ABCC4: variants seen among roughly 807,000 people sequenced by gnomAD.
ABCC4 encodes ATP-binding cassette sub-family C member 4.
ABCC4 carries 102 observed loss-of-function variants against 168.5 expected under a neutral mutation model. That is an observed-to-expected ratio of 0.61 (90% CI 0.52 to 0.71). The LOEUF is 0.71. ABCC4 is among the 30% of genes least tolerant of loss of function. ABCC4 has a pLI of 0.00. For synonymous variants in ABCC4, 617 were observed against 590.7 expected, an observed-to-expected ratio of 1.04 and a Z score of -0.65; for missense variants, 1,402 against 1,605.8, an observed-to-expected ratio of 0.87 and a Z score of 2.17.
At chr13:95,041,957 A>G (rs964034902) in intron 29 of ABCC4, among the ~76,000 whole-genome samples, 1 of 152,208 alleles carries the variant, frequency 6.6e-6, no homozygotes, top group Non-Finnish European at 1.5e-5. Flanking sequence ...GCTTGTAATA[A>G]GACTCCTTAC....
At chr13:95,062,978 G>T (rs544777810) in intron 25 of ABCC4, 119 bp from the exon 26 acceptor site, 3 of 1,195,786 alleles carry the variant, frequency 2.5e-6, no homozygotes, top group South Asian at 3.2e-5. Flanking sequence ...TATATTGAGT[G>T]TAGTCTAAGA....
At chr13:95,230,284 A>T (rs1411199533) in intron 4 of ABCC4, among the ~76,000 whole-genome samples, 1 of 152,202 alleles carries the variant, frequency 6.6e-6, no homozygotes, top group Non-Finnish European at 1.5e-5. Context: ...CATCAATCCA[A>T]ATTAAAGCTA....
chr13:95,060,968 T>C (rs2033267391), intron 26 of ABCC4, among the ~76,000 whole-genome samples: 1 of 152,208 alleles, frequency 6.6e-6, no homozygotes, highest in South Asian at 2.1e-4. Flanking sequence ...TTGACTAGTC[T>C]AGGTATCTCA....
chr13:95,253,161 T>C (rs2040309733), intron 1 of ABCC4, among the ~76,000 whole-genome samples: 1 of 152,172 alleles, frequency 6.6e-6, no homozygotes, highest in Admixed American at 6.5e-5. Flanking sequence ...CGGCCAACCA[T>C]GACTGCCCCG....
intron 19 of ABCC4, among the ~76,000 whole-genome samples, chr13:95,132,507 G>A (rs952564741): frequency 8.5e-5 from 13 of 152,204 alleles, no homozygotes; most frequent in South Asian, 2.1e-4. Flanking sequence ...GTAAGCCACC[G>A]CGCCTGGCCC....
intron 1 of ABCC4, among the ~76,000 whole-genome samples, chr13:95,293,624 G>A (rs1333463411): frequency 2.0e-5 from 3 of 151,332 alleles, no homozygotes; most frequent in South Asian, 4.2e-4. Context: ...ATGCCACCAC[G>A]CCCAGCTAAT....
chr13:95,058,593 G>A (rs72642352), intron 26 of ABCC4, among the ~76,000 whole-genome samples: 19,232 of 79,868 alleles, frequency 0.24, 3,435 homozygotes, highest in Non-Finnish European at 0.29. Flanking sequence ...AAAAAAAAAA[G>A]AAAAGAAAAA....
chr13:95,055,409 T>TA (rs1470557784), intron 26 of ABCC4, among the ~76,000 whole-genome samples: 1 of 152,246 alleles, frequency 6.6e-6, no homozygotes, highest in African/African-American at 2.4e-5. Flanking sequence ...TGTCATTTAG[T>TA]ACGAGTTTTA....
intron 13 of ABCC4, among the ~76,000 whole-genome samples, chr13:95,176,919 T>C (rs1056622825): frequency 7.2e-5 from 11 of 152,226 alleles, no homozygotes; most frequent in Non-Finnish European, 1.3e-4. Context: ...CATGAGTTTA[T>C]AGAATATACA....
chr13:95,252,155 T>C (rs750784790), intron 1 of ABCC4, among the ~76,000 whole-genome samples: 38 of 152,178 alleles, frequency 2.5e-4, no homozygotes, highest in Middle Eastern at 3.4e-3. Context: ...CATTTGGATA[T>C]GCCAAGGAGA....
chr13:95,023,909 T>A (rs967975613), intron 30 of ABCC4, among the ~76,000 whole-genome samples: 1 of 152,108 alleles, frequency 6.6e-6, no homozygotes, highest in Non-Finnish European at 1.5e-5. Context: ...AACTGGTGGC[T>A]TTGAAAACTT....
At chr13:95,034,534 C>T in intron 30 of ABCC4, 71 bp downstream of exon 30, 1 of 1,550,516 alleles carries the variant, frequency 6.4e-7, no homozygotes, top group Non-Finnish European at 8.7e-7. Context: ...GTTACCATAC[C>T]CATGGTGCCA....
chr13:95,295,881 C>T (rs2138965769), intron 1 of ABCC4, among the ~76,000 whole-genome samples: 1 of 150,708 alleles, frequency 6.6e-6, no homozygotes, highest in South Asian at 2.1e-4. Context: ...GCAGGAGAAT[C>T]ACTTGAACCC....
intron 4 of ABCC4, among the ~76,000 whole-genome samples, chr13:95,218,860 A>AAAAG (rs1566539096): frequency 0.017 from 2,562 of 146,936 alleles, 114 homozygotes; most frequent in African/African-American, 0.063. Context: ...GAAAAGAAAA[A>AAAAG]AAAAGAAAAG....
intron 1 of ABCC4, among the ~76,000 whole-genome samples, chr13:95,295,464 C>A (rs1157021176): frequency 6.6e-6 from 1 of 151,908 alleles, no homozygotes; most frequent in Non-Finnish European, 1.5e-5. Flanking sequence ...TCAAGACCAT[C>A]CTGGTCAACA....
At chr13:95,079,970 T>C (rs1459810719) in intron 21 of ABCC4, among the ~76,000 whole-genome samples, 2 of 152,234 alleles carry the variant, frequency 1.3e-5, no homozygotes, top group Admixed American at 6.5e-5. Context: ...AGCCACAGTA[T>C]CAGAGAGAGA....
intron 1 of ABCC4, among the ~76,000 whole-genome samples, chr13:95,260,189 T>C (rs2040496489): frequency 6.6e-6 from 1 of 152,170 alleles, no homozygotes; most frequent in South Asian, 2.1e-4. Context: ...TGGGAAGCAC[T>C]TGTCTGACAT....
At chr13:95,271,116 T>C (rs1040732238) in intron 1 of ABCC4, among the ~76,000 whole-genome samples, 2 of 152,098 alleles carry the variant, frequency 1.3e-5, no homozygotes, top group South Asian at 2.1e-4. Flanking sequence ...GGTGGTCAAA[T>C]GATAAGCAGT....
chr13:95,145,444 A>C (rs1269465623), intron 19 of ABCC4, among the ~76,000 whole-genome samples: 1 of 151,488 alleles, frequency 6.6e-6, no homozygotes, highest in Non-Finnish European at 1.5e-5. Context: ...AACATGGTAA[A>C]ACCCCATCTC....
Sources: allele counts gnomAD v4.1 joint callset (sites outside exome capture counted in the v4.1 genomes callset), GRCh38; gene constraint gnomAD v4.1.1; transcripts MANE v1.5; gene names NCBI Gene and HGNC (gene_info 2026-07-23, HGNC 2026-07-21).